The following PON3 variants were observed in gnomAD, a reference collection of about 807,000 sequenced individuals.
PON3 encodes the protein paraoxonase 3.
A neutral mutation model predicts 36.3 loss-of-function variants in PON3; 37 were observed. The observed-to-expected ratio is 1.02, with a 90% CI of 0.78 to 1.34. The LOEUF (loss-of-function observed/expected upper bound fraction) is 1.34. PON3 is among the 40% of genes most tolerant of loss of function. PON3 has a pLI of 0.00. For missense variants in PON3, 415 were observed against 426.5 expected (o/e 0.97, Z 0.24); for synonymous variants, 155 against 154.8 (o/e 1.00, Z -0.01).
rs17883013 is a variant in PON3 at position 95,364,022 on chromosome 7, G to T, written c.536C>A (p.Ala179Asp). 4,335 of 1,613,816 alleles carry T rather than the reference G, an allele frequency of 2.7e-3. 110 individuals are homozygous for T. The African/African-American group carries it at 0.052, about 19-fold the overall frequency. ...GTTGGTAAAATAGTGGTCTCTGGTG[G>T]CATAGAACTGTTCTGGTCCAAGAAC... The part of the protein sequence containing the change: ...IVVLGPEQFY[A>D]TRDHYFTNSL... Residue 179 changes from alanine (A) to aspartate (D), a missense_variant, in exon 6 of 9, where the codon GCC (alanine) becomes GAC (aspartate). Coordinates refer to ENST00000265627, the MANE Select transcript of PON3 (RefSeq NM_000940.3).
chr7:95,391,010 C>A (rs747702755), intron 2 of PON3, among the ~76,000 whole-genome samples: 2 of 152,160 alleles, frequency 1.3e-5, no homozygotes, highest in Non-Finnish European at 2.9e-5. Flanking sequence ...ACTGCTAAGT[C>A]TAAAATCAGT....
chr7:95,367,395 T>C lies in PON3; in HGVS notation c.461A>G (p.Tyr154Cys), dbSNP rs1339494020. The C allele has an allele frequency of 6.2e-7, 1 of 1,613,198 alleles. No homozygotes were observed. Among genetic ancestry groups the C allele is most frequent in the African/African-American group, 1.3e-5 (1 of 74,896 alleles). ...AAGTTCATGTTTTATAGTTTTCAGG[T>C]ATACCAGAGAACGTTGTTGTTCCTC... is the stretch of plus-strand genomic sequence containing the variant. Reference protein sequence around the residue: ...KFEEQQRSLVYLKTIKHELLK... With the variant: ...KFEEQQRSLVCLKTIKHELLK... Residue 154 changes from tyrosine to cysteine, a missense_variant, in exon 5 of 9, where the codon TAC becomes TGC. Tyr to Cys is a radical substitution (Grantham distance 194). Transcript: ENST00000265627.
intron 4 of PON3, among the ~76,000 whole-genome samples, chr7:95,370,903 T>C (rs1186514515): frequency 6.6e-6 from 1 of 152,212 alleles, no homozygotes; most frequent in Non-Finnish European, 1.5e-5. Flanking sequence ...ACTATTTAGT[T>C]CCAGAACATT....
At chr7:95,383,339 G>T (rs569018349) in intron 3 of PON3, among the ~76,000 whole-genome samples, 1 of 152,170 alleles carries the variant, frequency 6.6e-6, no homozygotes, top group Non-Finnish European at 1.5e-5. Context: ...CATAGTGTTG[G>T]AAGTTCTCGC....
intron 3 of PON3, among the ~76,000 whole-genome samples, chr7:95,373,340 T>A (rs1242390940): frequency 1.3e-5 from 2 of 152,180 alleles, no homozygotes; most frequent in Non-Finnish European, 2.9e-5. Flanking sequence ...AGGTAGTCAA[T>A]CTTTTCTGAA....
At chr7:95,393,836 T>A (rs185277993) in intron 2 of PON3, among the ~76,000 whole-genome samples, 52 of 152,290 alleles carry the variant, frequency 3.4e-4, no homozygotes, top group Admixed American at 1.6e-3. Context: ...GGTTAGGGAC[T>A]GGGCCATGGA....
intron 7 of PON3, 48 bp from the exon 8 acceptor site, chr7:95,362,538 G>A (rs758016246): frequency 2.5e-6 from 4 of 1,611,440 alleles, no homozygotes; most frequent in African/African-American, 2.7e-5. Flanking sequence ...ATGATTCCTC[G>A]CTTTCTTCCC....
At chr7:95,370,627 C>T (rs1377992885) in intron 4 of PON3, among the ~76,000 whole-genome samples, 1 of 152,138 alleles carries the variant, frequency 6.6e-6, no homozygotes. Context: ...CATGTGGTTA[C>T]TGTTAGTGAA....
chr7:95,362,083 C>T (rs1234171714), intron 8 of PON3, among the ~76,000 whole-genome samples: 1 of 152,090 alleles, frequency 6.6e-6, no homozygotes, highest in African/African-American at 2.4e-5. Flanking sequence ...GAGACTATCT[C>T]CTGATTGGAA....
rs1303627026 is a variant in PON3, at chr7:95,364,069, G to A, written c.495-6C>T. 6.2e-7 allele frequency: 1 copy of A among 1,612,114 alleles called. No individual in the cohort carries two copies. The highest frequency in any genetic ancestry group is 1.7e-5 in the Admixed American group (1 of 59,964). ...GAACCACAATGTCATTCACACTAAAGTGAAAGGGAGGTGGAAAAAGAGACC... is the reference window on the plus strand; with the variant it reads ...GAACCACAATGTCATTCACACTAAAATGAAAGGGAGGTGGAAAAAGAGACC... On this transcript the variant is annotated splice_polypyrimidine_tract_variant and splice_region_variant and intron_variant, in intron 5 of 8. Transcript: ENST00000265627.
chr7:95,362,496 A>T lies in PON3; in HGVS notation c.778-6T>A, dbSNP rs1373739906. 47 of 1,613,456 alleles carry T rather than the reference A, an allele frequency of 2.9e-5. No individual in the cohort carries two copies. Among genetic ancestry groups the T allele is most frequent in the Non-Finnish European group, 3.6e-5 (43 of 1,179,728 alleles). ...AAGGTGCCCAACTGTATCACCTTACAACAAAGAGGGAGTAGTGAAGACATT... is the reference window on the plus strand; with the variant it reads ...AAGGTGCCCAACTGTATCACCTTACTACAAAGAGGGAGTAGTGAAGACATT... On this transcript the variant is annotated splice_region_variant and splice_polypyrimidine_tract_variant and intron_variant, in intron 7 of 8. Coordinates refer to ENST00000265627, the MANE Select transcript of PON3 (RefSeq NM_000940.3).
intron 3 of PON3, among the ~76,000 whole-genome samples, chr7:95,376,416 A>T (rs1415944837): frequency 6.6e-6 from 1 of 152,212 alleles, no homozygotes; most frequent in East Asian, 1.9e-4. Flanking sequence ...ATGGCAAGAA[A>T]GGGTAAAAGG....
At chr7:95,382,173 T>C (rs1339467000) in intron 3 of PON3, among the ~76,000 whole-genome samples, 6 of 152,166 alleles carry the variant, frequency 3.9e-5, no homozygotes, top group African/African-American at 7.2e-5. Context: ...AGATACAACA[T>C]ATCAGAATCC....
At chr7:95,377,218 C>G (rs1286584105) in intron 3 of PON3, among the ~76,000 whole-genome samples, 1 of 152,156 alleles carries the variant, frequency 6.6e-6, no homozygotes, top group East Asian at 1.9e-4. Context: ...ATTGCTGAGG[C>G]TTGAGTAGGC....
At chr7:95,380,437 G>T (rs1434617197) in intron 3 of PON3, among the ~76,000 whole-genome samples, 1 of 152,162 alleles carries the variant, frequency 6.6e-6, no homozygotes, top group African/African-American at 2.4e-5. Context: ...TCATGACAAA[G>T]AAGTTAAAAA....
intron 3 of PON3, among the ~76,000 whole-genome samples, chr7:95,376,643 T>TAA (rs550088571): frequency 7.0e-6 from 1 of 143,080 alleles, no homozygotes; most frequent in African/African-American, 2.5e-5. Flanking sequence ...CAGTGAAAAT[T>TAA]AAAAAAAAAA....
rs763816412 is a variant in PON3 at position 95,367,439 on chromosome 7, A to T, written c.417T>A (p.Thr139=). 2 of 1,612,980 alleles carry T rather than the reference A, an allele frequency of 1.2e-6. No homozygotes were observed. Among genetic ancestry groups the T allele is most frequent in the Non-Finnish European group, 8.5e-7 (1 of 1,179,122 alleles). Residue 139 remains threonine, a synonymous_variant, in exon 5 of 9, where the codon ACT becomes ACA. Transcript: ENST00000265627. ...GTTCCTCAAATTTAAATATCTCCAC[A>T]GTGGACTTCATGTGGGGATGATTCA... ...YVVNHPHMKS[T]VEIFKFEEQQ...
chr7:95,382,681 T>G (rs938305847), intron 3 of PON3, among the ~76,000 whole-genome samples: 14 of 152,068 alleles, frequency 9.2e-5, no homozygotes, highest in Non-Finnish European at 1.6e-4. Flanking sequence ...AATAGACCAA[T>G]AACAGGCTCT....
At chr7:95,372,142 T>C in intron 4 of PON3, 31 bp downstream of exon 4, 2 of 1,600,194 alleles carry the variant, frequency 1.2e-6, no homozygotes, top group South Asian at 2.2e-5. Context: ...TTCCCTCATT[T>C]CCCCCTTATC....
Sources: gnomAD v4.1 joint callset for allele counts (sites outside exome capture counted in the v4.1 genomes callset) on GRCh38, gnomAD v4.1.1 for gene constraint, MANE v1.5 for transcripts, NCBI Gene and HGNC (gene_info 2026-07-23, HGNC 2026-07-21) for gene names.